The following FAM171B variants were observed in gnomAD, a reference collection of about 807,000 sequenced individuals.
FAM171B encodes the protein protein FAM171B.
FAM171B carries 19 observed loss-of-function variants against 75.6 expected under a neutral mutation model. The observed-to-expected ratio is 0.25, with a 90% CI of 0.18 to 0.37. The LOEUF (loss-of-function observed/expected upper bound fraction) is 0.37, where lower values mean the gene tolerates loss of function less well. Among genes scored for constraint, FAM171B ranks in the 10% least tolerant of loss-of-function variants. The probability of loss-of-function intolerance (pLI) is 1.00; values close to 1 mark genes in which losing one functional copy is unlikely to be tolerated. For synonymous variants in FAM171B, 367 were observed against 361.7 expected, an observed-to-expected ratio of 1.01 and a Z score of -0.17; for missense variants, 848 against 982.4, an observed-to-expected ratio of 0.86 and a Z score of 1.83.
At position 186,743,430 on chromosome 2, in the gene FAM171B, GT is replaced by G. The variant is rs1157685902; in HGVS notation, c.473-46del. The G allele has an allele frequency of 1.5e-5, 19 of 1,295,956 alleles. No homozygotes were observed. In the East Asian group the frequency reaches 1.9e-4, roughly 13 times the overall value. The allele number at this position is 1,295,956 out of a possible 1,614,324, so 80.3% of individuals were successfully genotyped here. On this transcript the variant is annotated intron_variant, in intron 2 of 7. Transcript: ENST00000304698. ...CTGTTACAGAACTATATTTGTCCTAGTTTTTTTCCCCTCACATTAAGTAAAA... is the reference window on the plus strand; with the variant it reads ...CTGTTACAGAACTATATTTGTCCTAGTTTTTTCCCCTCACATTAAGTAAAA...
intron 1 of FAM171B, among the ~76,000 whole-genome samples, chr2:186,726,131 A>C (rs1690029251): frequency 6.6e-6 from 1 of 152,172 alleles, no homozygotes; most frequent in South Asian, 2.1e-4. Context: ...TAAAAAGTAT[A>C]TTTTATTTGC....
intron 2 of FAM171B, among the ~76,000 whole-genome samples, chr2:186,743,245 A>T (rs192192091): frequency 5.9e-5 from 9 of 152,302 alleles, no homozygotes; most frequent in Admixed American, 2.6e-4. Flanking sequence ...ACCATCAAAT[A>T]GAAAAGATTA....
At chr2:186,750,999 G>A (rs1215161948) in intron 4 of FAM171B, 135 bp from the exon 5 acceptor site, 9 of 577,742 alleles carry the variant, frequency 1.6e-5, no homozygotes, top group Non-Finnish European at 2.6e-5. Context: ...TCCTTAATGT[G>A]TATTCAGTAT....
chr2:186,760,878 G>C (rs930358864), intron 6 of FAM171B, among the ~76,000 whole-genome samples: 2 of 151,984 alleles, frequency 1.3e-5, no homozygotes, highest in Non-Finnish European at 2.9e-5. Context: ...CAAGAGGGCA[G>C]AGCCACACCA....
intron 1 of FAM171B, among the ~76,000 whole-genome samples, chr2:186,702,275 T>C (rs929815225): frequency 2.0e-5 from 3 of 152,226 alleles, no homozygotes; most frequent in African/African-American, 7.2e-5. Flanking sequence ...TACTGAATAC[T>C]GTAGGCACTT....
In FAM171B at chr2:186,694,201, T is replaced by A; in HGVS notation, c.28T>A (p.Cys10Ser). Residue 10 changes from cysteine (C) to serine (S), a missense_variant, in exon 1 of 8, where the codon TGC becomes AGC. Physicochemically the swap from Cys to Ser is moderately radical, Grantham distance 112. This residue lies in a region of FAM171B where 665 missense variants were observed against 729.0 expected (regional missense o/e 0.91). Transcript: ENST00000304698. MARLCRRVPCTLLLGLAVVL... is the reference protein window; with the variant it reads MARLCRRVPSTLLLGLAVVL... ...GGCGAGGCTCTGCCGGCGTGTCCCC[T>A]GCACCCTGCTTCTCGGCCTGGCCGT... 1 of 1,606,312 alleles carries A rather than the reference T, an allele frequency of 6.2e-7. No homozygotes were observed. Among genetic ancestry groups the A allele is most frequent in the Non-Finnish European group, 8.5e-7 (1 of 1,179,616 alleles).
intron 1 of FAM171B, among the ~76,000 whole-genome samples, chr2:186,696,995 AATGGATGGACGGATGGATGG>A (rs1413869762): frequency 1.0e-4 from 10 of 99,328 alleles, no homozygotes; most frequent in Non-Finnish European, 1.3e-4. Flanking sequence ...CCATTTGTTG[AATGGATGGACGGATGGATGG>A]ATGGATGGAT....
chr2:186,697,640 C>A (rs1190355143), intron 1 of FAM171B, among the ~76,000 whole-genome samples: 2 of 152,116 alleles, frequency 1.3e-5, no homozygotes, highest in Non-Finnish European at 2.9e-5. Context: ...TCATTCTTTA[C>A]CGCTGTATGA....
Position 186,751,219 on chromosome 2 carries a change from T to A in FAM171B, c.810T>A (p.Ser270=). ...GAAAAGAACTAAAGGTCAATGGCTC[T>A]ATTCAAGTTTCTCTTCCTCTTCTAC... ...SGGKELKVNG[S]IQVSLPLLRL... Residue 270 remains serine, a synonymous_variant, in exon 5 of 8, where the codon TCT becomes TCA. Coordinates refer to ENST00000304698, the MANE Select transcript of FAM171B (RefSeq NM_177454.4). The A allele has an allele frequency of 6.2e-7, 1 of 1,612,102 alleles. No individual in the cohort carries two copies. Among genetic ancestry groups the A allele is most frequent in the Middle Eastern group, 1.7e-4 (1 of 6,056 alleles).
At position 186,761,626 on chromosome 2, in the gene FAM171B, C is replaced by T. The variant is rs759444293; in HGVS notation, c.1284C>T (p.Phe428=). The T allele has an allele frequency of 6.8e-6, 11 of 1,613,170 alleles. No individual in the cohort carries two copies. In the South Asian group the frequency reaches 1.2e-4, roughly 18 times the overall value. Residue 428 remains phenylalanine, a synonymous_variant, in exon 8 of 8, where the codon TTC becomes TTT. Transcript: ENST00000304698. ...AAGCTGAGGACAAGTCGCAGTTATT[C>T]AATGCCAAAAACTCCTCATATAGTC... The part of the protein sequence containing the change: ...ALKAEDKSQL[F]NAKNSSYSPQ...
rs1553511472 is a variant in FAM171B at position 186,736,566 on chromosome 2, G to GTGTGTGTGTGTGT, written c.239-3662_239-3661insTGTGTGTGTGTGT. Among the ~76,000 whole-genome samples, 37 of 128,178 alleles carry GTGTGTGTGTGTGT rather than the reference G, an allele frequency of 2.9e-4. 1 individual carries two copies. The highest frequency in any genetic ancestry group is 1.1e-3 in the Admixed American group (13 of 12,244). 84.1% of individuals were successfully genotyped at this position (128,178 alleles called of 152,430 possible). ...TGTGTGTGTGTGTGTGTGTGTGTGT[G>GTGTGTGTGTGTGT]GGAGAGAGAGAGAGAGAGAGAGAAT... is the stretch of plus-strand genomic sequence containing the variant. On this transcript the variant is annotated intron_variant, in intron 1 of 7. Coordinates refer to ENST00000304698, the MANE Select transcript of FAM171B (RefSeq NM_177454.4).
intron 5 of FAM171B, among the ~76,000 whole-genome samples, chr2:186,752,209 T>A (rs1455375554): frequency 6.6e-6 from 1 of 152,206 alleles, no homozygotes; most frequent in African/African-American, 2.4e-5. Flanking sequence ...CTTTGTGACC[T>A]GCAAATTGAA....
At chr2:186,735,204 A>G (rs1690181857) in intron 1 of FAM171B, among the ~76,000 whole-genome samples, 1 of 152,012 alleles carries the variant, frequency 6.6e-6, no homozygotes, top group African/African-American at 2.4e-5. Flanking sequence ...CACTGCCATC[A>G]GTTTGGGGGA....
intron 6 of FAM171B, 112 bp from the exon 7 acceptor site, chr2:186,761,001 G>A (rs1650165534): frequency 4.4e-6 from 5 of 1,124,698 alleles, no homozygotes; most frequent in South Asian, 1.8e-5. Flanking sequence ...TAGGAGGGGG[G>A]CAAACAAATA....
At chr2:186,722,129 C>T (rs539152907) in intron 1 of FAM171B, among the ~76,000 whole-genome samples, 1 of 152,198 alleles carries the variant, frequency 6.6e-6, no homozygotes, top group East Asian at 1.9e-4. Context: ...TTTATGATGT[C>T]TAACAGATGT....
intron 4 of FAM171B, among the ~76,000 whole-genome samples, chr2:186,750,321 T>A (rs979744099): frequency 9.2e-5 from 14 of 152,194 alleles, no homozygotes; most frequent in Admixed American, 7.2e-4. Context: ...GTAACAGACA[T>A]CTATAGATAG....
chr2:186,723,324 C>T (rs1049718823), intron 1 of FAM171B, among the ~76,000 whole-genome samples: 1 of 152,138 alleles, frequency 6.6e-6, no homozygotes, highest in Admixed American at 6.5e-5. Context: ...ATGAACAATA[C>T]TGTTAAAAGA....
At chr2:186,694,471 G>T in intron 1 of FAM171B, 60 bp downstream of exon 1, 1 of 1,543,660 alleles carries the variant, frequency 6.5e-7, no homozygotes, top group Non-Finnish European at 8.8e-7. Context: ...TTAGGGCCTC[G>T]CCGGCTTCCT....
At chr2:186,746,105 CTGA>C (rs1257091704) in intron 3 of FAM171B, among the ~76,000 whole-genome samples, 1 of 152,170 alleles carries the variant, frequency 6.6e-6, no homozygotes, top group Non-Finnish European at 1.5e-5. Context: ...AAAGCAAAAG[CTGA>C]TGTTTCTGAT....
Sources: allele counts gnomAD v4.1 joint callset (sites outside exome capture counted in the v4.1 genomes callset), GRCh38; gene constraint gnomAD v4.1.1; regional missense constraint gnomAD v4.1.1; transcripts MANE v1.5; gene names NCBI Gene and HGNC (gene_info 2026-07-23, HGNC 2026-07-21).